Variants in KCNC2 observed in about 807,000 individuals in gnomAD.
The protein encoded by KCNC2 is potassium voltage-gated channel subfamily C member 2, also known as voltage-gated potassium channel KCNC2.
Under a neutral mutation model 44.5 loss-of-function variants are expected in KCNC2, and 21 were observed. That is an observed-to-expected ratio of 0.47 (90% CI 0.33 to 0.68). The LOEUF (loss-of-function observed/expected upper bound fraction) is 0.68, where lower values mean the gene tolerates loss of function less well. Ranked by LOEUF, KCNC2 falls within the 30% of genes least tolerant of loss-of-function variation. KCNC2 has a pLI of 0.01. For missense variants in KCNC2, 589 were observed against 826.2 expected, an observed-to-expected ratio of 0.71 and a Z score of 3.52; for synonymous variants, 391 against 339.1, an observed-to-expected ratio of 1.15 and a Z score of -1.68.
chr12:75,207,446 C>G lies in KCNC2; in HGVS notation c.538G>C (p.Gly180Arg), dbSNP rs1283805120. ...ETPDLIGGDP[G>R]DDEDLAAKRL... ...TTGGCCGCCAGGTCCTCGTCGTCGC[C>G]GGGGTCGCCGCCAATGAGGTCGGGG... is the stretch of plus-strand genomic sequence containing the variant. The change falls in exon 2 of 5, where the codon GGC becomes CGC. Residue 180 changes from glycine (G) to arginine (R), a missense_variant. Around this residue, in one of 7 missense-constraint regions of KCNC2, gnomAD observed 97 missense variants for 73.3 expected, o/e 1.32. Coordinates refer to ENST00000549446, the MANE Select transcript of KCNC2 (RefSeq NM_139137.4). This position sits in a 1 kb window ranked among gnomAD's most constrained non-coding sequence, Gnocchi z 4.1. 6.2e-7 allele frequency: 1 copy of G among 1,609,616 alleles called. No individual in the cohort carries two copies. The highest frequency in any genetic ancestry group is 8.5e-7 in the Non-Finnish European group (1 of 1,178,360).
intron 2 of KCNC2, among the ~76,000 whole-genome samples, chr12:75,114,584 G>A (rs1887506615): frequency 6.6e-6 from 1 of 152,084 alleles, no homozygotes; most frequent in African/African-American, 2.4e-5. Flanking sequence ...GAAAGGAAAT[G>A]TTAGAAGATG....
intron 2 of KCNC2, among the ~76,000 whole-genome samples, chr12:75,134,367 T>C (rs986630819): frequency 2.0e-5 from 3 of 151,974 alleles, no homozygotes; most frequent in Admixed American, 6.6e-5. Context: ...GATTAATACA[T>C]ATGTGCATGC....
chr12:75,085,285 C>A (rs1011496873), intron 2 of KCNC2, among the ~76,000 whole-genome samples: 2 of 151,946 alleles, frequency 1.3e-5, no homozygotes, highest in Admixed American at 1.3e-4. Context: ...TGTATCAGAG[C>A]ATCCTTTCTA....
intron 2 of KCNC2, among the ~76,000 whole-genome samples, chr12:75,193,320 AGG>A (rs376026626): frequency 1.3e-3 from 193 of 152,320 alleles, no homozygotes; most frequent in African/African-American, 4.5e-3. Context: ...ATGAATACAT[AGG>A]TTGGAAGTGG....
intron 2 of KCNC2, among the ~76,000 whole-genome samples, chr12:75,201,803 T>G (rs2031301268): frequency 6.6e-6 from 1 of 151,926 alleles, no homozygotes; most frequent in Non-Finnish European, 1.5e-5. Context: ...GAAAAGCCCT[T>G]CATATTTCAA....
intron 2 of KCNC2, among the ~76,000 whole-genome samples, chr12:75,064,879 C>T (rs1882674159): frequency 6.6e-6 from 1 of 151,904 alleles, no homozygotes; most frequent in Admixed American, 6.6e-5. Context: ...ACTGTTACTT[C>T]AAGAAAAATC....
chr12:75,205,896 G>GAAAA (rs34368348), intron 2 of KCNC2, among the ~76,000 whole-genome samples: 1 of 97,534 alleles, frequency 1.0e-5, no homozygotes, highest in African/African-American at 3.8e-5. Flanking sequence ...GGCATGGCCT[G>GAAAA]AAAAAAAAAA....
At chr12:75,063,982 C>T (rs1882584791) in intron 2 of KCNC2, among the ~76,000 whole-genome samples, 1 of 151,904 alleles carries the variant, frequency 6.6e-6, no homozygotes, top group Admixed American at 6.6e-5. Flanking sequence ...AAAACTTTAC[C>T]ACAAAAAATC....
At chr12:75,120,559 G>A (rs1375323864) in intron 2 of KCNC2, among the ~76,000 whole-genome samples, 1 of 152,150 alleles carries the variant, frequency 6.6e-6, no homozygotes, top group Non-Finnish European at 1.5e-5. Flanking sequence ...AAGCTGCTTG[G>A]AGTAAGATCA....
Position 75,086,007 on chromosome 12 carries a change from C to T in KCNC2, c.688-34690G>A, listed in dbSNP as rs566420403. On this transcript the variant is annotated intron_variant, in intron 2 of 4. Transcript: ENST00000549446. The stretch of plus-strand genomic sequence containing the variant: ...TGAAGGTGAAAGTCGGACCTATGCC[C>T]TTGTCAGTTCTAAAACTGACAATTT... 5.2e-4 allele frequency among the ~76,000 whole-genome samples: 79 copies of T among 152,086 alleles called. 1 individual carries two copies. The Middle Eastern group carries it at 0.024, about 46-fold the overall frequency.
chr12:75,046,632 A>G (rs935309914), intron 4 of KCNC2, among the ~76,000 whole-genome samples: 1 of 151,844 alleles, frequency 6.6e-6, no homozygotes, highest in African/African-American at 2.4e-5. Flanking sequence ...TAACATGTAC[A>G]TATATTTTGC....
intron 2 of KCNC2, among the ~76,000 whole-genome samples, chr12:75,159,244 T>A (rs886407612): frequency 1.3e-4 from 19 of 151,888 alleles, no homozygotes; most frequent in African/African-American, 4.6e-4. Flanking sequence ...ATTCTGCACA[T>A]GTATCCCAGA....
At chr12:75,137,989 A>G (rs1315629773) in intron 2 of KCNC2, among the ~76,000 whole-genome samples, 2 of 152,192 alleles carry the variant, frequency 1.3e-5, no homozygotes, top group Non-Finnish European at 2.9e-5. Flanking sequence ...CTGAAAGCCC[A>G]CCATGGGAAT....
intron 2 of KCNC2, among the ~76,000 whole-genome samples, chr12:75,160,648 G>A (rs147088981): frequency 3.3e-5 from 5 of 151,890 alleles, no homozygotes; most frequent in South Asian, 2.1e-4. Context: ...AGATGAAGGC[G>A]GTTTGTTTGA....
At chr12:75,192,328 T>C (rs1413549092) in intron 2 of KCNC2, among the ~76,000 whole-genome samples, 1 of 152,220 alleles carries the variant, frequency 6.6e-6, no homozygotes, top group East Asian at 1.9e-4. Flanking sequence ...CAGTGCCATC[T>C]ATTATTGTTA....
chr12:75,189,405 G>C (rs1390514245), intron 2 of KCNC2, among the ~76,000 whole-genome samples: 1 of 152,128 alleles, frequency 6.6e-6, no homozygotes, highest in East Asian at 1.9e-4. Flanking sequence ...GGAAGAAAGG[G>C]GATTACAGTT....
At chr12:75,208,459 C>T (rs1374204070) in intron 1 of KCNC2, among the ~76,000 whole-genome samples, 5 of 151,466 alleles carry the variant, frequency 3.3e-5, no homozygotes, top group Admixed American at 1.3e-4. Flanking sequence ...CCTGGTTGGC[C>T]TCTCATTCCC....
chr12:75,169,991 G>T (rs942597804), intron 2 of KCNC2, among the ~76,000 whole-genome samples: 9 of 151,738 alleles, frequency 5.9e-5, no homozygotes, highest in African/African-American at 2.2e-4. Flanking sequence ...ATTTGAAAAT[G>T]GGGGAAATTG....
At chr12:75,109,436 T>A (rs370048241) in intron 2 of KCNC2, among the ~76,000 whole-genome samples, 1 of 152,130 alleles carries the variant, frequency 6.6e-6, no homozygotes, top group East Asian at 1.9e-4. Context: ...GCCTCAAAGA[T>A]CTTGAGTTAA....
Sources: gnomAD v4.1 joint callset for allele counts (sites outside exome capture counted in the v4.1 genomes callset) on GRCh38, gnomAD v4.1.1 for gene constraint, gnomAD v4.1.1 regional missense constraint, Gnocchi (gnomAD v3.1) non-coding constraint, MANE v1.5 for transcripts, NCBI Gene and HGNC (gene_info 2026-07-23, HGNC 2026-07-21) for gene names.